Variants in HMMR observed in about 807,000 individuals in gnomAD.
The protein encoded by HMMR is hyaluronan mediated motility receptor.
In HMMR, 108 loss-of-function variants were observed where a neutral mutation model predicts 101.0. That is an observed-to-expected ratio of 1.07 (90% CI 0.92 to 1.25). HMMR has a LOEUF of 1.25. Ranked by LOEUF, HMMR falls within the 50% of genes most tolerant of loss-of-function variation. The pLI, the probability that HMMR is intolerant of heterozygous loss-of-function variation, is 0.00. For missense variants in HMMR, 813 were observed against 788.7 expected (o/e 1.03, Z -0.37); for synonymous variants, 296 against 276.4 (o/e 1.07, Z -0.70).
At chr5:163,487,994 T>C (rs299314) in intron 16 of HMMR, among the ~76,000 whole-genome samples, 14,995 of 152,062 alleles carry the variant, frequency 0.099, 894 homozygotes, top group Middle Eastern at 0.13. Context: ...TAGCTGGGAC[T>C]ACAGGCGTGC....
chr5:163,475,589 A>T lies in HMMR; in HGVS notation c.1185A>T (p.Gln395His). Residue 395 changes from glutamine to histidine, a missense_variant, in exon 11 of 18, where the codon CAA (glutamine) becomes CAT (histidine). Gln to His is a conservative substitution (Grantham distance 24, BLOSUM62 0). Coordinates refer to ENST00000393915, the MANE Select transcript of HMMR (RefSeq NM_001142556.2). ...ATAAATTACAGCAAAAGGAGGAACA[A>T]GCTGAAAGGCTGGTCAAGCAATTGG... Reference protein sequence around the residue: ...ELDKLQQKEEQAERLVKQLEE... With the variant: ...ELDKLQQKEEHAERLVKQLEE... 1 of 1,613,300 alleles carries T rather than the reference A, an allele frequency of 6.2e-7. No homozygotes were observed. The highest frequency in any genetic ancestry group is 8.5e-7 in the Non-Finnish European group (1 of 1,179,380).
chr5:163,482,227 C>T (rs1488948535), intron 12 of HMMR, among the ~76,000 whole-genome samples: 1 of 152,146 alleles, frequency 6.6e-6, no homozygotes, highest in Non-Finnish European at 1.5e-5. Context: ...TACTTGGACA[C>T]CTTTAATGGT....
intron 7 of HMMR, among the ~76,000 whole-genome samples, chr5:163,471,786 T>A (rs1488415876): frequency 2.0e-5 from 3 of 152,184 alleles, no homozygotes; most frequent in African/African-American, 7.2e-5. Flanking sequence ...TTATGCACAA[T>A]CCTAGCCTTT....
intron 16 of HMMR, among the ~76,000 whole-genome samples, chr5:163,485,342 G>T (rs1759441493): frequency 6.6e-6 from 1 of 152,102 alleles, no homozygotes; most frequent in African/African-American, 2.4e-5. Context: ...ACCAACATTT[G>T]TTATTATCTG....
intron 2 of HMMR, 83 bp from the exon 3 acceptor site, chr5:163,464,640 C>A (rs986880386): frequency 1.1e-6 from 1 of 948,420 alleles, no homozygotes; most frequent in Non-Finnish European, 1.7e-6. Flanking sequence ...AAGAGAAAGA[C>A]AAAAAAATTT....
At chr5:163,474,828 A>G (rs1490377314) in intron 10 of HMMR, among the ~76,000 whole-genome samples, 3 of 152,130 alleles carry the variant, frequency 2.0e-5, no homozygotes, top group Admixed American at 1.3e-4. Flanking sequence ...TGGACAACCT[A>G]CAACAGCTAA....
At chr5:163,474,792 T>C (rs1356461477) in intron 10 of HMMR, among the ~76,000 whole-genome samples, 1 of 152,066 alleles carries the variant, frequency 6.6e-6, no homozygotes, top group African/African-American at 2.4e-5. Flanking sequence ...GGTACTTACA[T>C]GCACTGATGT....
rs745775191 is a variant in HMMR, at chr5:163,475,453, TA to T, written c.1054-4del. 3.9e-6 allele frequency: 6 copies of T among 1,547,982 alleles called. No homozygotes were observed. The highest frequency in any genetic ancestry group is 5.3e-6 in the Non-Finnish European group (6 of 1,133,124). On this transcript the variant is annotated splice_region_variant and splice_polypyrimidine_tract_variant and intron_variant, in intron 10 of 17. Coordinates refer to ENST00000393915, the MANE Select transcript of HMMR (RefSeq NM_001142556.2). ...TTATTTTGGTGGTTTTCTGTTTGGA[TA>T]TAGGAATTATCTTCGAGTCTTCATC...
At chr5:163,470,361 C>G (rs972881121) in intron 5 of HMMR, among the ~76,000 whole-genome samples, 1 of 152,192 alleles carries the variant, frequency 6.6e-6, no homozygotes, top group African/African-American at 2.4e-5. Flanking sequence ...GTGGCTCACA[C>G]CTGTAATTCC....
In HMMR at chr5:163,491,937, A is replaced by G. The variant is rs1377477654; in HGVS notation, c.*773A>G. The G allele has an allele frequency of 2.0e-5, 3 of 152,198 alleles. No homozygotes were observed. Among genetic ancestry groups the G allele is most frequent in the South Asian group, 4.1e-4 (2 of 4,832 alleles). 9.4% of individuals were successfully genotyped at this position (152,198 alleles called of 1,614,324 possible). ...ATAAAATTACACAGTAAGTCATTTAACCAATTAATTTTTCAGCTTGTATTT... is the reference window on the plus strand; with the variant it reads ...ATAAAATTACACAGTAAGTCATTTAGCCAATTAATTTTTCAGCTTGTATTT... On this transcript the variant is annotated 3_prime_UTR_variant, in exon 18 of 18. Coordinates refer to ENST00000393915, the MANE Select transcript of HMMR (RefSeq NM_001142556.2).
Position 163,485,208 on chromosome 5 carries a change from C to G in HMMR, c.1962+963C>G, listed in dbSNP as rs149611571. On this transcript the variant is annotated intron_variant, in intron 16 of 17. Coordinates refer to ENST00000393915, the MANE Select transcript of HMMR (RefSeq NM_001142556.2). ...ATTTCAGGAAGTATCAGACTACATT[C>G]AGATGAGATCGGGTGCGTTCAGGGT... Among the ~76,000 whole-genome samples, 1,397 of 152,234 alleles carry G rather than the reference C, an allele frequency of 9.2e-3. 22 individuals carry two copies. The highest frequency in any genetic ancestry group is 0.031 in the African/African-American group (1,273 of 41,536).
chr5:163,479,996 G>A (rs1241252999), intron 12 of HMMR, among the ~76,000 whole-genome samples: 1 of 152,060 alleles, frequency 6.6e-6, no homozygotes, highest in Non-Finnish European at 1.5e-5. Context: ...CTCATTTTGG[G>A]GGAGAGTTTC....
chr5:163,463,779 C>A, intron 1 of HMMR, 77 bp from the exon 2 acceptor site: 3 of 560,258 alleles, frequency 5.4e-6, no homozygotes, highest in South Asian at 4.4e-5. Context: ...CATTTATATT[C>A]ACTTTATTAT....
chr5:163,491,150 G>A lies in HMMR; in HGVS notation c.2164G>A (p.Glu722Lys). 1 of 1,560,962 alleles carries A rather than the reference G, an allele frequency of 6.4e-7. No homozygotes were observed. Residue 722 changes from glutamate to lysine, a missense_variant, in exon 18 of 18, where the codon GAA becomes AAA. Coordinates refer to ENST00000393915, the MANE Select transcript of HMMR (RefSeq NM_001142556.2). Reference sequence around the variant, plus strand: ...TTACCGAGCTCCTATGGAGTGTCAAGAATCATGGAAGTAAACATCTGAGAA... The same window carrying A: ...TTACCGAGCTCCTATGGAGTGTCAAAAATCATGGAAGTAAACATCTGAGAA... ...NCYRAPMECQ[E>K]SWK
chr5:163,475,017 A>G (rs976725572), intron 10 of HMMR, among the ~76,000 whole-genome samples: 1 of 152,096 alleles, frequency 6.6e-6, no homozygotes, highest in East Asian at 1.9e-4. Flanking sequence ...TAGGGGGGGA[A>G]GTCGTCAAAG....
intron 12 of HMMR, 25 bp from the exon 13 acceptor site, chr5:163,482,617 T>C (rs1346045856): frequency 6.4e-7 from 1 of 1,557,672 alleles, no homozygotes; most frequent in Admixed American, 1.8e-5. Context: ...GAAAACTACT[T>C]TGACTTTTTT....
intron 16 of HMMR, among the ~76,000 whole-genome samples, chr5:163,484,666 A>C (rs1759411472): frequency 6.6e-6 from 1 of 152,150 alleles, no homozygotes; most frequent in Non-Finnish European, 1.5e-5. Flanking sequence ...TTTTTAGTAT[A>C]CTCACAGATT....
At chr5:163,490,765 A>C (rs894776984) in intron 17 of HMMR, among the ~76,000 whole-genome samples, 1 of 152,226 alleles carries the variant, frequency 6.6e-6, no homozygotes, top group Non-Finnish European at 1.5e-5. Context: ...CTTCAAGGCA[A>C]ATCTCAAATC....
chr5:163,469,959 G>C (rs900160857), intron 5 of HMMR, 130 bp downstream of exon 5: 12 of 579,978 alleles, frequency 2.1e-5, no homozygotes, highest in African/African-American at 1.5e-4. Context: ...CCTGAGGTCG[G>C]GAGTTCGAGA....
Sources: gnomAD v4.1 joint callset for allele counts (sites outside exome capture counted in the v4.1 genomes callset) on GRCh38, gnomAD v4.1.1 for gene constraint, MANE v1.5 for transcripts, NCBI Gene and HGNC (gene_info 2026-07-23, HGNC 2026-07-21) for gene names.